SYNDIG1: variants seen among roughly 807,000 people sequenced by gnomAD.
SYNDIG1 encodes the protein synapse differentiation inducing 1.
In SYNDIG1, 9 loss-of-function variants were observed where a neutral mutation model predicts 19.4. That is an observed-to-expected ratio of 0.46 (90% CI 0.28 to 0.81). The LOEUF is 0.81. SYNDIG1 is among the 30% of genes least tolerant of loss of function. The probability of loss-of-function intolerance (pLI) is 0.12; values close to 1 mark genes in which losing one functional copy is unlikely to be tolerated. For synonymous variants in SYNDIG1, 141 were observed against 145.9 expected (o/e 0.97, Z 0.24); for missense variants, 311 against 343.3 (o/e 0.91, Z 0.74).
intron 2 of SYNDIG1, among the ~76,000 whole-genome samples, chr20:24,549,615 G>A (rs1011435612): frequency 6.6e-6 from 1 of 152,192 alleles, no homozygotes; most frequent in Non-Finnish European, 1.5e-5. Flanking sequence ...CAACCCCACT[G>A]TTACAAAGCT....
intron 1 of SYNDIG1, among the ~76,000 whole-genome samples, chr20:24,503,936 G>A (rs1235574492): frequency 1.3e-5 from 2 of 151,568 alleles, no homozygotes; most frequent in Non-Finnish European, 2.9e-5. Context: ...AAGCAGATCC[G>A]TGGGATCCAG....
At chr20:24,483,461 A>C (rs190785698) in intron 1 of SYNDIG1, among the ~76,000 whole-genome samples, 32 of 152,298 alleles carry the variant, frequency 2.1e-4, no homozygotes, top group African/African-American at 7.7e-4. Context: ...CTGTTTCTTA[A>C]TCATATTTTA....
chr20:24,541,661 G>T (rs1423219480), intron 1 of SYNDIG1, among the ~76,000 whole-genome samples: 1 of 152,232 alleles, frequency 6.6e-6, no homozygotes, highest in African/African-American at 2.4e-5. Flanking sequence ...TTGGTCAAGA[G>T]AAGGGAGCAT....
intron 3 of SYNDIG1, among the ~76,000 whole-genome samples, chr20:24,596,469 C>T (rs921024596): frequency 5.3e-5 from 8 of 152,196 alleles, no homozygotes; most frequent in African/African-American, 1.4e-4. Flanking sequence ...ACCTCCATCT[C>T]CCGGGTTCAA....
At chr20:24,495,632 C>G (rs933865698) in intron 1 of SYNDIG1, 3 of 152,160 alleles carry the variant, frequency 2.0e-5, no homozygotes, top group African/African-American at 7.2e-5. Flanking sequence ...AGAAAAGTGC[C>G]TTGGGGATTT....
chr20:24,656,349 TG>T (rs1568719652), intron 3 of SYNDIG1, among the ~76,000 whole-genome samples: 1 of 152,236 alleles, frequency 6.6e-6, no homozygotes, highest in Non-Finnish European at 1.5e-5. Flanking sequence ...TCAGTCCCAC[TG>T]ATTCTAGCCG....
chr20:24,607,081 C>G (rs535379779), intron 3 of SYNDIG1, among the ~76,000 whole-genome samples: 1 of 152,120 alleles, frequency 6.6e-6, no homozygotes, highest in Non-Finnish European at 1.5e-5. Context: ...CCACCTTGGC[C>G]GGGCACCATG....
At chr20:24,597,299 C>G (rs2058610590) in intron 3 of SYNDIG1, 1 of 152,198 alleles carries the variant, frequency 6.6e-6, no homozygotes. Flanking sequence ...ATGGAAATGG[C>G]TGCGTGTACT....
intron 2 of SYNDIG1, among the ~76,000 whole-genome samples, chr20:24,545,748 A>G (rs2057563851): frequency 6.6e-6 from 1 of 152,220 alleles, no homozygotes; most frequent in Admixed American, 6.5e-5. Flanking sequence ...TTTCCCACCC[A>G]GTCCTGCTTC....
At chr20:24,654,650 G>GAGGAAGGGAGGAAGGA (rs2059505500) in intron 3 of SYNDIG1, among the ~76,000 whole-genome samples, 1 of 117,352 alleles carries the variant, frequency 8.5e-6, no homozygotes, top group African/African-American at 3.4e-5. Context: ...GGGAGGGAGG[G>GAGGAAGGGAGGAAGGA]AGGAAGGAAG....
chr20:24,486,690 C>T (rs1379818555), intron 1 of SYNDIG1, among the ~76,000 whole-genome samples: 3 of 150,706 alleles, frequency 2.0e-5, no homozygotes, highest in Non-Finnish European at 3.0e-5. Context: ...GATGGAGTCT[C>T]GCTCTGTCAC....
At chr20:24,507,257 A>AGCGT (rs1327201749) in intron 1 of SYNDIG1, among the ~76,000 whole-genome samples, 1 of 152,204 alleles carries the variant, frequency 6.6e-6, no homozygotes, top group African/African-American at 2.4e-5. Flanking sequence ...TGCCCACAGG[A>AGCGT]GCGTGCTGCC....
intron 1 of SYNDIG1, among the ~76,000 whole-genome samples, chr20:24,470,038 C>T (rs1404406696): frequency 2.0e-5 from 3 of 152,174 alleles, no homozygotes; most frequent in Non-Finnish European, 4.4e-5. Context: ...CTGGCCTGGG[C>T]TGCACCTTGG....
intron 2 of SYNDIG1, among the ~76,000 whole-genome samples, chr20:24,545,114 T>C (rs1002429033): frequency 2.6e-5 from 4 of 152,094 alleles, no homozygotes; most frequent in Non-Finnish European, 4.4e-5. Context: ...AGAGACCCCA[T>C]TGAGAACCAG....
chr20:24,550,933 GTGCCTATATTCA>G (rs1172703097), intron 2 of SYNDIG1, among the ~76,000 whole-genome samples: 1 of 152,026 alleles, frequency 6.6e-6, no homozygotes, highest in Non-Finnish European at 1.5e-5. Context: ...AAGGATTTCT[GTGCCTATATTCA>G]TGAGGGATGT....
intron 2 of SYNDIG1, among the ~76,000 whole-genome samples, chr20:24,554,448 A>T (rs188127972): frequency 1.1e-3 from 170 of 152,364 alleles, no homozygotes; most frequent in African/African-American, 4.1e-3. Flanking sequence ...GGTTGGACAT[A>T]GATTGCTCTT....
At chr20:24,481,366 T>G (rs1190135393) in intron 1 of SYNDIG1, among the ~76,000 whole-genome samples, 1 of 152,106 alleles carries the variant, frequency 6.6e-6, no homozygotes, top group Non-Finnish European at 1.5e-5. Flanking sequence ...CTTGCCCAGG[T>G]TGGGCTCACT....
intron 2 of SYNDIG1, among the ~76,000 whole-genome samples, chr20:24,553,856 G>T (rs1214479371): frequency 1.3e-5 from 2 of 152,170 alleles, no homozygotes; most frequent in African/African-American, 2.4e-5. Flanking sequence ...AAAGTCATTG[G>T]TAGCTTGATG....
chr20:24,558,466 C>T (rs779259963), intron 2 of SYNDIG1, among the ~76,000 whole-genome samples: 51 of 152,262 alleles, frequency 3.3e-4, no homozygotes, highest in Non-Finnish European at 6.5e-4. Context: ...ATCACATTTT[C>T]GAAATTTAGC....
Sources: gnomAD v4.1 joint callset for allele counts (sites outside exome capture counted in the v4.1 genomes callset) on GRCh38, gnomAD v4.1.1 for gene constraint, MANE v1.5 for transcripts, NCBI Gene and HGNC (gene_info 2026-07-23, HGNC 2026-07-21) for gene names.